Variants in GRIN2A observed in about 807,000 individuals in gnomAD.
The protein encoded by GRIN2A is glutamate receptor ionotropic, NMDA 2A.
GRIN2A carries 22 observed loss-of-function variants against 113.4 expected under a neutral mutation model. The observed-to-expected ratio is 0.19, with a 90% CI of 0.14 to 0.28. The LOEUF is 0.28. Among genes scored for constraint, GRIN2A ranks in the 10% least tolerant of loss-of-function variants. The pLI, the probability that GRIN2A is intolerant of heterozygous loss-of-function variation, is 1.00. For missense variants in GRIN2A, 1,502 were observed against 1,887.0 expected (o/e 0.80, Z 3.78); for synonymous variants, 827 against 738.4 (o/e 1.12, Z -1.94).
At chr16:9,931,425 G>A (rs2044592035) in intron 3 of GRIN2A, among the ~76,000 whole-genome samples, 1 of 152,176 alleles carries the variant, frequency 6.6e-6, no homozygotes, top group African/African-American at 2.4e-5. Flanking sequence ...ACTTTAAGAT[G>A]TTACAAGAAG....
Position 9,764,203 on chromosome 16 carries a change from C to G in GRIN2A, c.3341G>C (p.Arg1114Thr), listed in dbSNP as rs1555482504. ...ACCATCTATAGTGTAGATCTTGTCT[C>G]TAGGGGAGCTTGATTTGGTTTTCAG... ...TYLKTKSSSP[R>T]DKIYTIDGEK... The change falls in exon 13 of 13, where the codon AGA becomes ACA. Residue 1114 changes from arginine (R) to threonine (T), a missense_variant. Arg to Thr is a moderately conservative substitution (Grantham distance 71). Transcript: ENST00000330684. 1 of 1,373,392 alleles carries G rather than the reference C, an allele frequency of 7.3e-7. No individual in the cohort carries two copies. Among genetic ancestry groups the G allele is most frequent in the East Asian group, 2.8e-5 (1 of 35,298 alleles). The allele number at this position is 1,373,392 out of a possible 1,614,324, so 85.1% of individuals were successfully genotyped here.
intron 3 of GRIN2A, among the ~76,000 whole-genome samples, chr16:9,928,123 AG>A (rs1396383726): frequency 1.3e-5 from 2 of 152,200 alleles, no homozygotes; most frequent in African/African-American, 4.8e-5. Flanking sequence ...TCCATCCCTA[AG>A]ATTCATGCCA....
At chr16:10,170,965 G>A (rs756908323) in intron 2 of GRIN2A, among the ~76,000 whole-genome samples, 4 of 151,940 alleles carry the variant, frequency 2.6e-5, no homozygotes, top group South Asian at 2.1e-4. Flanking sequence ...AGCTGAGTGC[G>A]GTATGGGGGG....
rs1345053252 is a variant in GRIN2A, at chr16:9,980,823, C to T, written c.415-42272G>A. 2.4e-5 allele frequency among the ~76,000 whole-genome samples: 3 copies of T among 125,008 alleles called. No individual in the cohort carries two copies. The Admixed American group carries it at 3.0e-4, about 13-fold the overall frequency. 82.0% of individuals were successfully genotyped at this position (125,008 alleles called of 152,430 possible). A position where few individuals can be genotyped will look rare whatever the true frequency, so the allele number is the denominator to read the frequency against. ...TGGACACAGGAAGGGGAACATCACACACCAGGGACTGTTGTGGGGTGGGGG... is the reference window on the plus strand; with the variant it reads ...TGGACACAGGAAGGGGAACATCACATACCAGGGACTGTTGTGGGGTGGGGG... On this transcript the variant is annotated intron_variant, in intron 2 of 12. Coordinates refer to ENST00000330684, the MANE Select transcript of GRIN2A (RefSeq NM_001134407.3).
intron 4 of GRIN2A, among the ~76,000 whole-genome samples, chr16:9,873,167 T>C (rs1473237795): frequency 6.6e-6 from 1 of 151,918 alleles, no homozygotes; most frequent in Admixed American, 6.6e-5. Flanking sequence ...TGATAGACAA[T>C]GGAGACTCAG....
chr16:10,147,418 T>A (rs34172814), intron 2 of GRIN2A, among the ~76,000 whole-genome samples: 22,460 of 144,070 alleles, frequency 0.16, 2,143 homozygotes, highest in African/African-American at 0.28. Context: ...AGACCAGGCT[T>A]GGGCAACATG....
chr16:10,094,801 T>C (rs954030877), intron 2 of GRIN2A, among the ~76,000 whole-genome samples: 5 of 150,554 alleles, frequency 3.3e-5, no homozygotes, highest in Non-Finnish European at 7.4e-5. Context: ...AATGACTGAT[T>C]GCTGATTCCA....
intron 2 of GRIN2A, among the ~76,000 whole-genome samples, chr16:9,957,832 G>T (rs2045341546): frequency 6.6e-6 from 1 of 152,124 alleles, no homozygotes; most frequent in Non-Finnish European, 1.5e-5. Context: ...CTATAGACTT[G>T]GGCAGGTGAA....
At position 9,801,369 on chromosome 16, in the gene GRIN2A, CAT is replaced by C. The variant is rs148020791; in HGVS notation, c.2169-2907_2169-2906del. ...CAAAAAATAAACATATACACACACA[CAT>C]GTACACATGGGCACATTCAAACATT... On this transcript the variant is annotated intron_variant, in intron 10 of 12. Coordinates refer to ENST00000330684, the MANE Select transcript of GRIN2A (RefSeq NM_001134407.3). Among the ~76,000 whole-genome samples, 1,206 of 152,358 alleles carry C rather than the reference CAT, an allele frequency of 7.9e-3. 21 individuals carry two copies. Among genetic ancestry groups the C allele is most frequent in the African/African-American group, 0.027 (1,132 of 41,582 alleles).
intron 4 of GRIN2A, among the ~76,000 whole-genome samples, chr16:9,868,606 C>G (rs1364676209): frequency 6.6e-6 from 1 of 152,108 alleles, no homozygotes. Flanking sequence ...TCTGGCCCTT[C>G]CACTCCCCAG....
At chr16:9,928,161 G>T (rs1223000119) in intron 3 of GRIN2A, among the ~76,000 whole-genome samples, 1 of 152,166 alleles carries the variant, frequency 6.6e-6, no homozygotes, top group South Asian at 2.1e-4. Flanking sequence ...GAACCTGGAC[G>T]GGGGCTCATT....
At chr16:10,050,914 A>G (rs577721412) in intron 2 of GRIN2A, among the ~76,000 whole-genome samples, 1 of 152,296 alleles carries the variant, frequency 6.6e-6, no homozygotes, top group East Asian at 1.9e-4. Context: ...TCCAAAACAT[A>G]TAATTTATAT....
Position 9,763,010 on chromosome 16 carries a change from A to C in GRIN2A, c.*139T>G, listed in dbSNP as rs1400922825. 1.2e-6 allele frequency: 1 copy of C among 822,502 alleles called. No individual in the cohort carries two copies. The highest frequency in any genetic ancestry group is 2.2e-5 in the Admixed American group (1 of 45,822). The allele number at this position is 822,502 out of a possible 1,614,324, so 51.0% of individuals were successfully genotyped here. On this transcript the variant is annotated 3_prime_UTR_variant, in exon 13 of 13. Transcript: ENST00000330684. The stretch of plus-strand genomic sequence containing the variant: ...TATGGCATGAAGCCGTGTGCAAAAG[A>C]GCCAACAACAACAACAACAAAATAC...
intron 4 of GRIN2A, among the ~76,000 whole-genome samples, chr16:9,863,792 CCAACA>C (rs2043113590): frequency 6.6e-6 from 1 of 152,080 alleles, no homozygotes; most frequent in Non-Finnish European, 1.5e-5. Context: ...ATATTGTTGG[CCAACA>C]CAACACAATT....
At chr16:10,096,617 A>T (rs558680777) in intron 2 of GRIN2A, among the ~76,000 whole-genome samples, 82 of 149,346 alleles carry the variant, frequency 5.5e-4, no homozygotes, top group South Asian at 2.3e-3. Context: ...GCCCCACATC[A>T]CCTTTCCCAA....
At position 9,978,538 on chromosome 16, in the gene GRIN2A, CTCCTCCCTT is replaced by C. The variant is rs1340075473; in HGVS notation, c.415-39996_415-39988del. ...CCTCCTCTACTTCCTCCTCTTTCTC[CTCCTCCCTT>C]TCCTCCCCATCCTCCTCTTACTCCT... is the stretch of plus-strand genomic sequence containing the variant. On this transcript the variant is annotated intron_variant, in intron 2 of 12. Transcript: ENST00000330684. 3.3e-5 allele frequency among the ~76,000 whole-genome samples: 5 copies of C among 152,038 alleles called. No homozygotes were observed. The East Asian group carries it at 9.6e-4, about 29-fold the overall frequency.
chr16:10,014,256 C>T (rs2046562287), intron 2 of GRIN2A, among the ~76,000 whole-genome samples: 1 of 152,334 alleles, frequency 6.6e-6, no homozygotes, highest in South Asian at 2.1e-4. Context: ...CCCTTCTCAA[C>T]CTGGCACTTG....
Position 10,073,069 on chromosome 16 carries a change from C to A in GRIN2A, c.414+106929G>T, listed in dbSNP as rs528776315. Among the ~76,000 whole-genome samples the A allele has an allele frequency of 2.0e-5, 3 of 151,874 alleles. No homozygotes were observed. In the East Asian group the frequency reaches 5.8e-4, roughly 30 times the overall value. ...CTCCCTAGTTCAAGAGATTCCCCTCCCTCAGCCTCCCAAGTAGCTGGGATT... is the reference window on the plus strand; with the variant it reads ...CTCCCTAGTTCAAGAGATTCCCCTCACTCAGCCTCCCAAGTAGCTGGGATT... On this transcript the variant is annotated intron_variant, in intron 2 of 12. Transcript: ENST00000330684.
At chr16:10,029,797 G>A (rs754828554) in intron 2 of GRIN2A, among the ~76,000 whole-genome samples, 2 of 134,368 alleles carry the variant, frequency 1.5e-5, no homozygotes, top group Non-Finnish European at 3.3e-5. Context: ...TGGAGTTCGA[G>A]ACCAGCCTGG....
Sources: gnomAD v4.1 joint callset for allele counts (sites outside exome capture counted in the v4.1 genomes callset) on GRCh38, gnomAD v4.1.1 for gene constraint, MANE v1.5 for transcripts, NCBI Gene and HGNC (gene_info 2026-07-23, HGNC 2026-07-21) for gene names.